GSTA4: variants seen among roughly 807,000 people sequenced by gnomAD.
GSTA4 encodes the protein glutathione S-transferase A4.
Under a neutral mutation model 24.4 loss-of-function variants are expected in GSTA4, and 15 were observed. The ratio of observed to expected loss-of-function variants is 0.61; its 90% CI spans 0.41 to 0.95. The LOEUF (loss-of-function observed/expected upper bound fraction) is 0.95, where lower values mean the gene tolerates loss of function less well. Ranked by LOEUF, GSTA4 falls within the 40% of genes least tolerant of loss-of-function variation. GSTA4 has a pLI of 0.00. For synonymous variants in GSTA4, 92 were observed against 94.2 expected, an observed-to-expected ratio of 0.98 and a Z score of 0.13; for missense variants, 244 against 262.1, an observed-to-expected ratio of 0.93 and a Z score of 0.48.
chr6:52,985,325 G>T (rs1464082770), intron 4 of GSTA4, 126 bp downstream of exon 4: 2 of 839,548 alleles, frequency 2.4e-6, no homozygotes, highest in South Asian at 2.3e-5. Flanking sequence ...ACCTTCTTGG[G>T]TTTTTGTTCC....
At chr6:52,979,785 G>C (rs423475) in intron 6 of GSTA4, among the ~76,000 whole-genome samples, 1 of 151,922 alleles carries the variant, frequency 6.6e-6, no homozygotes, top group Non-Finnish European at 1.5e-5. Context: ...CCCTAATAAT[G>C]ATGCCAATTA....
chr6:52,989,237 G>C (rs1409327294), intron 2 of GSTA4, among the ~76,000 whole-genome samples: 1 of 152,194 alleles, frequency 6.6e-6, no homozygotes, highest in Non-Finnish European at 1.5e-5. Flanking sequence ...ATATTATCAA[G>C]AAATAACTAT....
chr6:52,981,291 T>C (rs1361205350), intron 6 of GSTA4, among the ~76,000 whole-genome samples: 1 of 152,244 alleles, frequency 6.6e-6, no homozygotes, highest in Non-Finnish European at 1.5e-5. Context: ...TGTTACTCTT[T>C]GGAGAGTTAG....
At chr6:52,987,599 A>C in intron 2 of GSTA4, 191 bp from the exon 3 acceptor site, 34 of 510,988 alleles carry the variant, frequency 6.7e-5, no homozygotes, top group East Asian at 2.4e-4. Context: ...AGTGGATCTC[A>C]TGGAAATAGA....
chr6:52,985,538 C>G lies in GSTA4; in HGVS notation c.185G>C (p.Gly62Ala). 6.2e-7 allele frequency: 1 copy of G among 1,613,888 alleles called. No homozygotes were observed. The highest frequency in any genetic ancestry group is 8.5e-7 in the Non-Finnish European group (1 of 1,179,774). ...GCTTCGGGTCTGTACCAACTTCATC[C>G]CGTCAATTTCAACCATGGGCACTTG... ...FQQVPMVEIDGMKLVQTRSIL... is the reference protein window; with the variant it reads ...FQQVPMVEIDAMKLVQTRSIL... The change falls in exon 4 of 7, where the codon GGG (glycine) becomes GCG (alanine). Residue 62 changes from glycine to alanine, a missense_variant. Gly to Ala is a moderately conservative substitution (Grantham distance 60). Coordinates refer to ENST00000370963, the MANE Select transcript of GSTA4 (RefSeq NM_001512.4).
chr6:52,978,647 G>A lies in GSTA4; in HGVS notation c.547-55C>T, dbSNP rs16883308. The A allele has an allele frequency of 4.9e-4, 675 of 1,387,736 alleles. 4 individuals are homozygous for A. In the African/African-American group the frequency reaches 8.5e-3, roughly 17 times the overall value. The allele number at this position is 1,387,736 out of a possible 1,614,324, so 86.0% of individuals were successfully genotyped here. A position where few individuals can be genotyped will look rare whatever the true frequency, so the allele number is the denominator to read the frequency against. On this transcript the variant is annotated intron_variant, in intron 6 of 6. Transcript: ENST00000370963. ...TAACAAAAAAGGTATTAGATACTACGAAGATATGGTTATGCAAAATGGCCC... is the reference window on the plus strand; with the variant it reads ...TAACAAAAAAGGTATTAGATACTACAAAGATATGGTTATGCAAAATGGCCC...
chr6:52,993,218 C>T (rs892697491), intron 2 of GSTA4, among the ~76,000 whole-genome samples: 6 of 152,164 alleles, frequency 3.9e-5, no homozygotes, highest in Non-Finnish European at 5.9e-5. Context: ...AAGATGTTAT[C>T]ATTAAGGGAG....
Position 52,982,647 on chromosome 6 carries a change from A to C in GSTA4, c.473T>G (p.Val158Gly). 1.9e-6 allele frequency: 3 copies of C among 1,610,356 alleles called. No individual in the cohort carries two copies. Among genetic ancestry groups the C allele is most frequent in the Non-Finnish European group, 2.5e-6 (3 of 1,176,674 alleles). ...LVGNQLSLADVILLQTILALE... is the reference protein window; with the variant it reads ...LVGNQLSLADGILLQTILALE... The stretch of plus-strand genomic sequence containing the variant: ...AGCTAAAATGGTTTGGAGTAAAATC[A>C]CATCTGCAAGGCTCAGCTGATTACC... Residue 158 changes from valine to glycine, a missense_variant, in exon 6 of 7, where the codon GTG (valine) becomes GGG (glycine). Physicochemically the swap from Val to Gly is moderately radical, Grantham distance 109. Coordinates refer to ENST00000370963, the MANE Select transcript of GSTA4 (RefSeq NM_001512.4).
chr6:52,983,356 CA>C (rs1763489425), intron 5 of GSTA4, among the ~76,000 whole-genome samples: 1 of 152,182 alleles, frequency 6.6e-6, no homozygotes, highest in African/African-American at 2.4e-5. Flanking sequence ...GCAGTAGTAG[CA>C]AAGGGGAGAT....
chr6:52,989,778 A>G (rs1389890979), intron 2 of GSTA4, among the ~76,000 whole-genome samples: 2 of 152,212 alleles, frequency 1.3e-5, no homozygotes, highest in African/African-American at 4.8e-5. Context: ...CAGTTGAGGA[A>G]TTTGTCCCTG....
intron 2 of GSTA4, among the ~76,000 whole-genome samples, chr6:52,993,798 G>A (rs1385828806): frequency 6.6e-6 from 1 of 152,148 alleles, no homozygotes; most frequent in African/African-American, 2.4e-5. Flanking sequence ...AGATACCAAG[G>A]CTGCCAGTTT....
At chr6:52,979,033 G>A (rs1763399876) in intron 6 of GSTA4, among the ~76,000 whole-genome samples, 2 of 152,032 alleles carry the variant, frequency 1.3e-5, no homozygotes, top group East Asian at 1.9e-4. Flanking sequence ...AAAAAGGTAA[G>A]CACTCTTTAC....
rs45451596 is a variant in GSTA4 at position 52,991,460 on chromosome 6, C to T, written c.87+2697G>A. On this transcript the variant is annotated intron_variant, in intron 2 of 6. Coordinates refer to ENST00000370963, the MANE Select transcript of GSTA4 (RefSeq NM_001512.4). ...ATGTGATACAATAGAAGTGTGTTCA[C>T]AGTATCTCTTCTGACATAGTCTGGC... 5.9e-3 allele frequency among the ~76,000 whole-genome samples: 897 copies of T among 151,698 alleles called. 10 individuals are homozygous for T. Among genetic ancestry groups the T allele is most frequent in the African/African-American group, 0.02 (815 of 41,324 alleles).
Position 52,984,536 on chromosome 6 carries a change from T to G in GSTA4, c.342A>C (p.Pro114=). The change falls in exon 5 of 7, where the codon CCA becomes CCC. Residue 114 remains proline, a synonymous_variant. Coordinates refer to ENST00000370963, the MANE Select transcript of GSTA4 (RefSeq NM_001512.4). ...TAACCACTTCCTTTTGCTGATCATC[T>G]GGTTTTAAGAAAGGATGCATGATAA... ...ELLIMHPFLK[P]DDQQKEVVNM... is the part of the protein sequence containing the mutation. 1 of 1,613,264 alleles carries G rather than the reference T, an allele frequency of 6.2e-7. No homozygotes were observed.
In GSTA4 at chr6:52,982,788, A is replaced by C. The variant is rs1763477153; in HGVS notation, c.415-83T>G. On this transcript the variant is annotated intron_variant, in intron 5 of 6. Transcript: ENST00000370963. ...TATTGAATCAGTGCAGTATCTGAGA[A>C]GAGGTGAAACTATGACCTTGTCATT... The C allele has an allele frequency of 5.6e-6, 6 of 1,067,970 alleles. No homozygotes were observed. The East Asian group carries it at 1.2e-4, about 22-fold the overall frequency. 66.2% of individuals were successfully genotyped at this position (1,067,970 alleles called of 1,614,324 possible).
At chr6:52,984,036 A>G (rs1763502668) in intron 5 of GSTA4, among the ~76,000 whole-genome samples, 1 of 152,262 alleles carries the variant, frequency 6.6e-6, no homozygotes, top group Admixed American at 6.5e-5. Context: ...CAAAGGGAAG[A>G]TAAATAAAAT....
chr6:52,987,367 C>G lies in GSTA4; in HGVS notation c.129G>C (p.Lys43Asn). 6.3e-7 allele frequency: 1 copy of G among 1,591,600 alleles called. No homozygotes were observed. Among genetic ancestry groups the G allele is most frequent in the Non-Finnish European group, 8.6e-7 (1 of 1,161,532 alleles). ...CATTTTCATACTCACCATCCTGCAA[C>G]TTGTACAACTGTTCTTTTGTTTCCA... ...EFLETKEQLY[K>N]LQDGNHLLFQ... Residue 43 changes from lysine to asparagine, a missense_variant, in exon 3 of 7, where the codon AAG becomes AAC. Physicochemically the swap from Lys to Asn is moderately conservative, Grantham distance 94. Transcript: ENST00000370963.
intron 4 of GSTA4, 67 bp downstream of exon 4, chr6:52,985,384 G>A: frequency 6.9e-7 from 1 of 1,444,424 alleles, no homozygotes; most frequent in South Asian, 1.2e-5. Flanking sequence ...GTGTGCTACA[G>A]AGGTTGCTAA....
chr6:52,985,074 C>A (rs1434338177), intron 4 of GSTA4, among the ~76,000 whole-genome samples: 1 of 152,102 alleles, frequency 6.6e-6, no homozygotes, highest in Non-Finnish European at 1.5e-5. Flanking sequence ...GTGCAAGGAC[C>A]AGGCTTTGAT....
Sources: gnomAD v4.1 joint callset for allele counts (sites outside exome capture counted in the v4.1 genomes callset) on GRCh38, gnomAD v4.1.1 for gene constraint, MANE v1.5 for transcripts, NCBI Gene and HGNC (gene_info 2026-07-23, HGNC 2026-07-21) for gene names.